Variants in KCNJ13 observed in about 807,000 individuals in gnomAD.
The protein encoded by KCNJ13 is potassium inwardly rectifying channel subfamily J member 13, also known as inward rectifier potassium channel 13.
KCNJ13 carries 9 observed loss-of-function variants against 24.6 expected under a neutral mutation model. That is an observed-to-expected ratio of 0.37 (90% CI 0.22 to 0.64). KCNJ13 has a LOEUF of 0.64. Ranked by LOEUF, KCNJ13 falls within the 30% of genes least tolerant of loss-of-function variation. The probability of loss-of-function intolerance (pLI) is 0.64; values close to 1 mark genes in which losing one functional copy is unlikely to be tolerated. For missense variants in KCNJ13, 337 were observed against 443.8 expected (o/e 0.76, Z 2.16); for synonymous variants, 148 against 154.7 (o/e 0.96, Z 0.32).
intron 1 of KCNJ13, among the ~76,000 whole-genome samples, chr2:232,772,346 A>C (rs1393617567): frequency 1.3e-5 from 2 of 152,176 alleles, no homozygotes. Flanking sequence ...TGGGGGGTAG[A>C]AAGAGAATTG....
Position 232,766,167 on chromosome 2 carries a change from T to G in KCNJ13, c.*2024A>C, listed in dbSNP as rs532360794. 1.3e-5 allele frequency among the ~76,000 whole-genome samples: 2 copies of G among 152,330 alleles called. No homozygotes were observed. Among genetic ancestry groups the G allele is most frequent in the Admixed American group, 6.5e-5 (1 of 15,296 alleles). On this transcript the variant is annotated 3_prime_UTR_variant, in exon 3 of 3. Coordinates refer to ENST00000233826, the MANE Select transcript of KCNJ13 (RefSeq NM_002242.4). ...ACAATGAACAGTCCTCCCAGAAACT[T>G]TCTATCTCCTGCAAAAAAGTTTTGG...
At chr2:232,770,867 T>C (rs1699216108) in intron 2 of KCNJ13, 36 bp downstream of exon 2, 1 of 1,487,050 alleles carries the variant, frequency 6.7e-7, no homozygotes, top group Non-Finnish European at 9.4e-7. Context: ...GTTTTGTTTT[T>C]GTTTTTGTTT....
chr2:232,771,740 A>G (rs1973675), intron 1 of KCNJ13, among the ~76,000 whole-genome samples: 99,750 of 152,048 alleles, frequency 0.66, 32,997 homozygotes, highest in South Asian at 0.79. Context: ...AATATTGTGT[A>G]TAAAGACTAG....
At chr2:232,770,122 T>A (rs1699172097) in intron 2 of KCNJ13, among the ~76,000 whole-genome samples, 1 of 152,208 alleles carries the variant, frequency 6.6e-6, no homozygotes, top group Non-Finnish European at 1.5e-5. Flanking sequence ...TGTAGAAGTT[T>A]GTGATTTGCA....
Position 232,768,881 on chromosome 2 carries a change from C to T in KCNJ13, c.461-68G>A. ...AAATATCAATACTTTTTCTGAATGACAAGTGTATATCAAATATTTACACAT... is the reference window on the plus strand; with the variant it reads ...AAATATCAATACTTTTTCTGAATGATAAGTGTATATCAAATATTTACACAT... On this transcript the variant is annotated intron_variant, in intron 2 of 2. Coordinates refer to ENST00000233826, the MANE Select transcript of KCNJ13 (RefSeq NM_002242.4). 3 of 1,334,738 alleles carry T rather than the reference C, an allele frequency of 2.2e-6. No homozygotes were observed. In the South Asian group the frequency reaches 3.9e-5, roughly 17 times the overall value. The allele number at this position is 1,334,738 out of a possible 1,614,324, so 82.7% of individuals were successfully genotyped here. A position where few individuals can be genotyped will look rare whatever the true frequency, so the allele number is the denominator to read the frequency against.
intron 1 of KCNJ13, among the ~76,000 whole-genome samples, chr2:232,772,553 T>C (rs908683049): frequency 6.6e-6 from 1 of 152,236 alleles, no homozygotes; most frequent in Admixed American, 6.5e-5. Context: ...GGTTATCCTT[T>C]TCTCAAGGTG....
chr2:232,770,967 T>TG lies in KCNJ13; in HGVS notation c.395dup (p.Ser133LysfsTer42). On this transcript the variant is annotated frameshift_variant, in exon 2 of 3. Transcript: ENST00000233826. LOFTEE classifies it high-confidence loss of function. ...GTATGGCAAGTAAGGCGATTGCACT[T>TG]GGACAGTCACCACTGGGGAACATGG... is the stretch of plus-strand genomic sequence containing the variant. 6.2e-7 allele frequency: 1 copy of TG among 1,614,084 alleles called. No homozygotes were observed. Among genetic ancestry groups the TG allele is most frequent in the Non-Finnish European group, 8.5e-7 (1 of 1,179,958 alleles).
In KCNJ13 at chr2:232,768,639, C is replaced by G; in HGVS notation, c.635G>C (p.Arg212Thr). ...VRVSAVLYQE[R>T]ENGKLYQTSV... is the part of the protein sequence containing the mutation. ...GGTCTGGTAGAGTTTGCCATTTTCTCTTTCCTGATAGAGTACAGCTGAGAC... is the reference window on the plus strand; with the variant it reads ...GGTCTGGTAGAGTTTGCCATTTTCTGTTTCCTGATAGAGTACAGCTGAGAC... Residue 212 changes from arginine (R) to threonine (T), a missense_variant, in exon 3 of 3, where the codon AGA (arginine) becomes ACA (threonine). By Grantham distance (71) the Arg-to-Thr change is moderately conservative. Around this residue, in one of 3 missense-constraint regions of KCNJ13, gnomAD observed 235 missense variants for 286.9 expected, o/e 0.82. Transcript: ENST00000233826. The G allele has an allele frequency of 1.2e-6, 2 of 1,614,126 alleles. No homozygotes were observed. The highest frequency in any genetic ancestry group is 1.1e-5 in the South Asian group (1 of 91,064).
chr2:232,768,368 C>T lies in KCNJ13; in HGVS notation c.906G>A (p.Leu302=), dbSNP rs980892735. 3.7e-6 allele frequency: 6 copies of T among 1,614,026 alleles called. No individual in the cohort carries two copies. In the African/African-American group the frequency reaches 8.0e-5, roughly 22 times the overall value. ...ATTCACCTTTGGAACCTCGGGTCAA[C>T]AGAGATGCAAAACAGTGATGTAACA... ...EIMLHHCFAS[L]LTRGSKGEYQ... Residue 302 remains leucine (L), a synonymous_variant, in exon 3 of 3, where the codon CTG becomes CTA. Coordinates refer to ENST00000233826, the MANE Select transcript of KCNJ13 (RefSeq NM_002242.4).
intron 1 of KCNJ13, among the ~76,000 whole-genome samples, chr2:232,773,559 C>A (rs1699368617): frequency 6.6e-6 from 1 of 151,966 alleles, no homozygotes; most frequent in Admixed American, 6.6e-5. Context: ...TCTTTGATAG[C>A]CAAATTTCTA....
chr2:232,775,682 C>G (rs562100861), intron 1 of KCNJ13, among the ~76,000 whole-genome samples: 1 of 152,284 alleles, frequency 6.6e-6, no homozygotes, highest in Middle Eastern at 3.4e-3. Flanking sequence ...CATCAGAATT[C>G]ATTCTACTCA....
At position 232,766,050 on chromosome 2, in the gene KCNJ13, A is replaced by G. The variant is rs182197159; in HGVS notation, c.*2141T>C. The stretch of plus-strand genomic sequence containing the variant: ...TCCCAGTAATTTCCGCCCTTTTTCC[A>G]TTGTTACTTCCTTTTCCTCAGAGGA... On this transcript the variant is annotated 3_prime_UTR_variant, in exon 3 of 3. Coordinates refer to ENST00000233826, the MANE Select transcript of KCNJ13 (RefSeq NM_002242.4). 1.3e-4 allele frequency: 60 copies of G among 470,792 alleles called. No homozygotes were observed. The highest frequency in any genetic ancestry group is 1.7e-4 in the Non-Finnish European group (39 of 226,898). 29.2% of individuals were successfully genotyped at this position (470,792 alleles called of 1,614,324 possible). A position where few individuals can be genotyped will look rare whatever the true frequency, so the allele number is the denominator to read the frequency against.
rs901746270 is a variant in KCNJ13 at position 232,766,300 on chromosome 2, T to C, written c.*1891A>G. ...TCATATTTAGTTTTCAAATGCCAAA[T>C]TTATTATAAACAGTAAGTATAATAT... On this transcript the variant is annotated 3_prime_UTR_variant, in exon 3 of 3. Transcript: ENST00000233826. Among the ~76,000 whole-genome samples, 1 of 152,166 alleles carries C rather than the reference T, an allele frequency of 6.6e-6. No individual in the cohort carries two copies. Among genetic ancestry groups the C allele is most frequent in the African/African-American group, 2.4e-5 (1 of 41,438 alleles).
chr2:232,775,719 A>G (rs760349760), intron 1 of KCNJ13, among the ~76,000 whole-genome samples: 2 of 152,220 alleles, frequency 1.3e-5, no homozygotes, highest in East Asian at 3.8e-4. Context: ...AAAAGTATGT[A>G]TTTTCTGTTG....
chr2:232,775,533 GATCCCA>G (rs1179091191), intron 1 of KCNJ13, among the ~76,000 whole-genome samples: 1 of 152,138 alleles, frequency 6.6e-6, no homozygotes, highest in Non-Finnish European at 1.5e-5. Flanking sequence ...CTCATCAGCT[GATCCCA>G]ATAGAAAGTG....
At chr2:232,776,323 T>G (rs1294101251) in intron 1 of KCNJ13, 122 bp downstream of exon 1, 1 of 704,816 alleles carries the variant, frequency 1.4e-6, no homozygotes, top group African/African-American at 1.8e-5. Context: ...TCCTACACTA[T>G]AGATAATGTC....
chr2:232,776,397 C>T, intron 1 of KCNJ13, 48 bp downstream of exon 1: 1 of 1,529,862 alleles, frequency 6.5e-7, no homozygotes. Flanking sequence ...AGTTTCTTTC[C>T]CTGTTTCCCA....
chr2:232,768,620 G>A lies in KCNJ13; in HGVS notation c.654C>T (p.Tyr218=). The A allele has an allele frequency of 6.2e-7, 1 of 1,614,110 alleles. No homozygotes were observed. The highest frequency in any genetic ancestry group is 8.5e-7 in the Non-Finnish European group (1 of 1,179,966). Residue 218 remains tyrosine, a synonymous_variant, in exon 3 of 3, where the codon TAC becomes TAT. Transcript: ENST00000233826. ...CAAGGTGGAAATCCACACTGGTCTG[G>A]TAGAGTTTGCCATTTTCTCTTTCCT... ...LYQERENGKL[Y]QTSVDFHLDG... is the part of the protein sequence containing the mutation.
Position 232,771,087 on chromosome 2 carries a change from T to TG in KCNJ13, c.275dup (p.Pro93ThrfsTer2). 6.2e-7 allele frequency: 1 copy of TG among 1,614,018 alleles called. No homozygotes were observed. Among genetic ancestry groups the TG allele is most frequent in the Non-Finnish European group, 8.5e-7 (1 of 1,179,992 alleles). ...TGACACAGATAGTGTGGTTTTCAGGTGGGGCATCATGATCTAGTTCCAGAT... is the reference window on the plus strand; with the variant it reads ...TGACACAGATAGTGTGGTTTTCAGGTGGGGGCATCATGATCTAGTTCCAGAT... On this transcript the variant is annotated frameshift_variant, in exon 2 of 3. Transcript: ENST00000233826. LOFTEE classifies it high-confidence loss of function.
Sources: gnomAD v4.1 joint callset for allele counts (sites outside exome capture counted in the v4.1 genomes callset) on GRCh38, gnomAD v4.1.1 for gene constraint, gnomAD v4.1.1 regional missense constraint, MANE v1.5 for transcripts, NCBI Gene and HGNC (gene_info 2026-07-23, HGNC 2026-07-21) for gene names.